Variants in DCTN1 observed in about 807,000 individuals in gnomAD.
The protein encoded by DCTN1 is dynactin subunit 1.
Under a neutral mutation model 161.2 loss-of-function variants are expected in DCTN1, and 61 were observed. That is an observed-to-expected ratio of 0.38 (90% CI 0.31 to 0.47). The LOEUF (loss-of-function observed/expected upper bound fraction) is 0.47, where lower values mean the gene tolerates loss of function less well. DCTN1 is among the 20% of genes least tolerant of loss of function. The pLI is 0.99. For missense variants in DCTN1, 1,404 were observed against 1,623.7 expected, an observed-to-expected ratio of 0.86 and a Z score of 2.33; for synonymous variants, 653 against 632.4, an observed-to-expected ratio of 1.03 and a Z score of -0.49.
In DCTN1 at chr2:74,365,526, T is replaced by C. The variant is rs1234831945; in HGVS notation, c.3018A>G (p.Arg1006=). The part of the protein sequence containing the change: ...TRLEETQALL[R]KKEKEFEETM... ...GGAAAGTGCCTGACTTCTCCTTCTT[T>C]CGCAGCAGTGCCTGGGTCTCCTCCA... The change falls in exon 25 of 32, where the codon CGA becomes CGG. Residue 1006 remains arginine (R), a synonymous_variant. Coordinates refer to ENST00000628224, the MANE Select transcript of DCTN1 (RefSeq NM_004082.5). The C allele has an allele frequency of 1.2e-6, 2 of 1,613,992 alleles. No individual in the cohort carries two copies. Among genetic ancestry groups the C allele is most frequent in the Admixed American group, 1.7e-5 (1 of 59,998 alleles).
chr2:74,377,834 G>A (rs1675313577), intron 2 of DCTN1, 108 bp from the exon 3 acceptor site: 1 of 1,448,440 alleles, frequency 6.9e-7, no homozygotes, highest in Non-Finnish European at 9.7e-7. Flanking sequence ...AGAGTACAGG[G>A]CAGCTTCCCT....
chr2:74,363,774 C>T (rs1674201494), intron 26 of DCTN1, 146 bp from the exon 27 acceptor site: 1 of 1,065,508 alleles, frequency 9.4e-7, no homozygotes, highest in Non-Finnish European at 1.4e-6. Context: ...TCTAACAAGA[C>T]TCTCTGCCAC....
intron 6 of DCTN1, chr2:74,373,261 A>C: frequency 2.2e-6 from 1 of 447,486 alleles, no homozygotes; most frequent in Non-Finnish European, 4.2e-6. Context: ...ACAAGGAAGC[A>C]GCTAGTGAGA....
rs1191629623 is a variant in DCTN1 at position 74,361,168 on chromosome 2, G to A, written c.*331C>T. ...CCACACAGGAAGCACTGAAGCAGAA[G>A]TTGCTTTAATCAAGGGGTGAAGTCC... On this transcript the variant is annotated 3_prime_UTR_variant, in exon 32 of 32. Coordinates refer to ENST00000628224, the MANE Select transcript of DCTN1 (RefSeq NM_004082.5). 1 of 440,696 alleles carries A rather than the reference G, an allele frequency of 2.3e-6. No individual in the cohort carries two copies. The highest frequency in any genetic ancestry group is 4.4e-6 in the Non-Finnish European group (1 of 225,478). 27.3% of individuals were successfully genotyped at this position (440,696 alleles called of 1,614,324 possible).
chr2:74,374,081 G>T, intron 6 of DCTN1: 1 of 568,356 alleles, frequency 1.8e-6, no homozygotes, highest in Non-Finnish European at 3.3e-6. Flanking sequence ...CCAAGCCTGT[G>T]AGGCCACTGG....
upstream of DCTN1, among the ~76,000 whole-genome samples, chr2:74,381,321 C>T (rs1170941277): frequency 2.0e-5 from 3 of 152,150 alleles, no homozygotes; most frequent in Non-Finnish European, 4.4e-5. Flanking sequence ...GGCCTAGGGA[C>T]GCCTGTCTTT....
At position 74,369,106 on chromosome 2, in the gene DCTN1, G is replaced by A. The variant is rs1169554082; in HGVS notation, c.1693C>T (p.His565Tyr). 6.2e-7 allele frequency: 1 copy of A among 1,614,172 alleles called. No individual in the cohort carries two copies. The highest frequency in any genetic ancestry group is 1.1e-5 in the South Asian group (1 of 91,086). Residue 565 changes from histidine to tyrosine, a missense_variant, in exon 15 of 32, where the codon CAT becomes TAT. Transcript: ENST00000628224. This position sits in a 1 kb window ranked among gnomAD's most constrained non-coding sequence, Gnocchi z 4.9. ...CCACACACTTTCCTGACCTTGGCATGGGCCTTAGTCTCAGCAAACTTGATT... is the reference window on the plus strand; with the variant it reads ...CCACACACTTTCCTGACCTTGGCATAGGCCTTAGTCTCAGCAAACTTGATT... ...FKIKFAETKA[H>Y]AKAIEMELRQ...
intron 1 of DCTN1, among the ~76,000 whole-genome samples, chr2:74,379,429 C>G (rs1675407017): frequency 1.3e-5 from 2 of 152,146 alleles, no homozygotes; most frequent in South Asian, 2.1e-4. Context: ...AACAGCTCAT[C>G]CAGGAAGGTG....
intron 18 of DCTN1, 108 bp downstream of exon 18, chr2:74,367,588 C>T (rs1674517925): frequency 6.4e-7 from 1 of 1,557,768 alleles, no homozygotes; most frequent in Non-Finnish European, 8.8e-7. Context: ...GCAAACCAGG[C>T]CTCAAGCAGC....
chr2:74,366,711 C>T lies in DCTN1; in HGVS notation c.2466+72G>A, dbSNP rs1674440504. On this transcript the variant is annotated intron_variant, in intron 21 of 31. Coordinates refer to ENST00000628224, the MANE Select transcript of DCTN1 (RefSeq NM_004082.5). ...AACCATTTTTGTCCCCTAACCAGAT[C>T]CAGATCTTCAAGTGCTATACCCTTC... The T allele has an allele frequency of 3.1e-6, 5 of 1,614,076 alleles. No homozygotes were observed. In the Admixed American group the frequency reaches 5.0e-5, roughly 16 times the overall value.
Position 74,369,052 on chromosome 2 carries a change from A to T in DCTN1, c.1701+46T>A. On this transcript the variant is annotated intron_variant, in intron 15 of 31. Coordinates refer to ENST00000628224, the MANE Select transcript of DCTN1 (RefSeq NM_004082.5). This position sits in a 1 kb window ranked among gnomAD's most constrained non-coding sequence, Gnocchi z 4.9. ...GAATCTGAAGCCCAGACCCCATACC[A>T]GTTCATCCCAGGCAGGGCTCCCTCA... 1 of 1,594,406 alleles carries T rather than the reference A, an allele frequency of 6.3e-7. No individual in the cohort carries two copies. Among genetic ancestry groups the T allele is most frequent in the South Asian group, 1.1e-5 (1 of 90,626 alleles).
upstream of DCTN1, among the ~76,000 whole-genome samples, chr2:74,382,180 C>T (rs1675539075): frequency 6.6e-6 from 1 of 152,244 alleles, no homozygotes. Context: ...CCTCACAACT[C>T]ACTAACCACA....
rs187434401 is a variant in DCTN1 at position 74,363,305 on chromosome 2, T to C, written c.3334A>G (p.Ser1112Gly). Reference sequence around the variant, plus strand: ...CGTGGCTCCCTCACCTTGAGGATGCTGTTCTCATGCTGGAGCTGGGAGATG... The same window carrying C: ...CGTGGCTCCCTCACCTTGAGGATGCCGTTCTCATGCTGGAGCTGGGAGATG... ...LHISQLQHEN[S>G]ILKGAQMKAS... Residue 1112 changes from serine (S) to glycine (G), a missense_variant, in exon 28 of 32, where the codon AGC becomes GGC. By Grantham distance (56) the Ser-to-Gly change is moderately conservative. This residue lies in a region of DCTN1 where 311 missense variants were observed against 298.9 expected (regional missense o/e 1.04). Coordinates refer to ENST00000628224, the MANE Select transcript of DCTN1 (RefSeq NM_004082.5). The C allele has an allele frequency of 2.0e-5, 33 of 1,614,024 alleles. No individual in the cohort carries two copies. The African/African-American group carries it at 3.6e-4, about 18-fold the overall frequency.
intron 7 of DCTN1, chr2:74,372,092 C>A (rs777725533): frequency 1.3e-5 from 4 of 317,036 alleles, no homozygotes; most frequent in South Asian, 1.2e-4. Flanking sequence ...CCATCTATGA[C>A]CCACTTGTGA....
At chr2:74,363,243 G>A (rs1215945228) in intron 28 of DCTN1, 51 bp downstream of exon 28, 6 of 1,614,058 alleles carry the variant, frequency 3.7e-6, no homozygotes, top group Non-Finnish European at 5.1e-6. Flanking sequence ...TATCATCAAT[G>A]GGGCAAATAT....
In DCTN1 at chr2:74,366,456, C is replaced by T. The variant is rs764869586; in HGVS notation, c.2628+3G>A. 1.8e-5 allele frequency: 29 copies of T among 1,614,266 alleles called. No homozygotes were observed. The East Asian group carries it at 5.1e-4, about 29-fold the overall frequency. Reference sequence around the variant, plus strand: ...CACCTTCTACCCAGCCATCCAGGCCCACCTGCTCGCTTGCTTTGAAAGCCA... The same window carrying T: ...CACCTTCTACCCAGCCATCCAGGCCTACCTGCTCGCTTGCTTTGAAAGCCA... On this transcript the variant is annotated splice_donor_region_variant and intron_variant, in intron 22 of 31. Coordinates refer to ENST00000628224, the MANE Select transcript of DCTN1 (RefSeq NM_004082.5).
intron 1 of DCTN1, among the ~76,000 whole-genome samples, chr2:74,388,316 T>C (rs1675834704): frequency 6.6e-6 from 1 of 152,154 alleles, no homozygotes; most frequent in South Asian, 2.1e-4. Flanking sequence ...TAGTGCGTGA[T>C]GATCTTGTCT....
chr2:74,371,832 A>C, intron 7 of DCTN1, 104 bp from the exon 8 acceptor site: 1 of 940,706 alleles, frequency 1.1e-6, no homozygotes, highest in Non-Finnish European at 1.7e-6. Flanking sequence ...GGAGACAGAA[A>C]AGGGAAAAAG....
At chr2:74,373,647 G>A (rs1179704372) in intron 6 of DCTN1, among the ~76,000 whole-genome samples, 1 of 152,196 alleles carries the variant, frequency 6.6e-6, no homozygotes, top group Admixed American at 6.5e-5. Flanking sequence ...GTGGGGGTGG[G>A]CAGCAGCACA....
Sources: allele counts gnomAD v4.1 joint callset (sites outside exome capture counted in the v4.1 genomes callset), GRCh38; gene constraint gnomAD v4.1.1; regional missense constraint gnomAD v4.1.1; non-coding constraint Gnocchi (gnomAD v3.1); transcripts MANE v1.5; gene names NCBI Gene and HGNC (gene_info 2026-07-23, HGNC 2026-07-21).